RSRC1: variants seen among roughly 807,000 people sequenced by gnomAD.
RSRC1 encodes serine/Arginine-related protein 53.
A neutral mutation model predicts 49.1 loss-of-function variants in RSRC1; 39 were observed. That is an observed-to-expected ratio of 0.79 (90% CI 0.61 to 1.04). RSRC1 has a LOEUF of 1.04. RSRC1 is among the 50% of genes least tolerant of loss of function. RSRC1 has a pLI of 0.00. For synonymous variants in RSRC1, 143 were observed against 130.8 expected (o/e 1.09, Z -0.63); for missense variants, 388 against 402.4 (o/e 0.96, Z 0.31).
chr3:158,405,802 A>G (rs1006338498), intron 6 of RSRC1, among the ~76,000 whole-genome samples: 1 of 152,112 alleles, frequency 6.6e-6, no homozygotes, highest in Non-Finnish European at 1.5e-5. Flanking sequence ...GGCTGTTAGC[A>G]TTTGCTAGAT....
chr3:158,174,695 G>T (rs553043923), intron 3 of RSRC1, among the ~76,000 whole-genome samples: 1 of 151,948 alleles, frequency 6.6e-6, no homozygotes, highest in Non-Finnish European at 1.5e-5. Flanking sequence ...GTTGTTTCAT[G>T]TAGCTCTCAT....
At chr3:158,247,070 C>T (rs1469521908) in intron 4 of RSRC1, among the ~76,000 whole-genome samples, 1 of 151,980 alleles carries the variant, frequency 6.6e-6, no homozygotes, top group African/African-American at 2.4e-5. Context: ...GAGGATTGTT[C>T]ATTCCTTTTC....
intron 6 of RSRC1, among the ~76,000 whole-genome samples, chr3:158,420,872 T>G (rs1199309888): frequency 6.6e-6 from 1 of 151,932 alleles, no homozygotes; most frequent in Non-Finnish European, 1.5e-5. Flanking sequence ...CAAGGGTGCC[T>G]GCCCTCATGG....
intron 7 of RSRC1, among the ~76,000 whole-genome samples, chr3:158,510,617 A>G (rs776081226): frequency 6.6e-6 from 1 of 152,136 alleles, no homozygotes; most frequent in Non-Finnish European, 1.5e-5. Flanking sequence ...AAAATGGGGT[A>G]CTCATCCCCT....
chr3:158,491,491 T>C (rs957903876), intron 7 of RSRC1, among the ~76,000 whole-genome samples: 1 of 152,182 alleles, frequency 6.6e-6, no homozygotes, highest in Non-Finnish European at 1.5e-5. Context: ...TTGCCTGAGT[T>C]AGGTATGGCT....
chr3:158,424,859 A>G (rs564327237), intron 6 of RSRC1, among the ~76,000 whole-genome samples: 1 of 151,998 alleles, frequency 6.6e-6, no homozygotes, highest in Admixed American at 6.6e-5. Flanking sequence ...TTTCTAGTTT[A>G]TTTGCGTAGA....
intron 6 of RSRC1, among the ~76,000 whole-genome samples, chr3:158,436,487 C>T (rs1209752409): frequency 6.6e-6 from 1 of 151,958 alleles, no homozygotes; most frequent in Admixed American, 6.6e-5. Flanking sequence ...CATGTGCCCA[C>T]ACGTGCATGC....
chr3:158,341,834 G>A (rs2108215796), intron 5 of RSRC1, among the ~76,000 whole-genome samples: 1 of 152,210 alleles, frequency 6.6e-6, no homozygotes, highest in East Asian at 1.9e-4. Context: ...GCTGTACCAG[G>A]CAAAGTCACG....
At chr3:158,477,798 T>TTTTTTATATATATATATATA (rs1485762587) in intron 7 of RSRC1, among the ~76,000 whole-genome samples, 2 of 89,770 alleles carry the variant, frequency 2.2e-5, no homozygotes, top group African/African-American at 4.6e-5. Flanking sequence ...CGGGAGGGAT[T>TTTTTTATATATATATATATA]TATATATATA....
At chr3:158,331,580 T>C (rs1049531102) in intron 5 of RSRC1, among the ~76,000 whole-genome samples, 4 of 152,056 alleles carry the variant, frequency 2.6e-5, no homozygotes, top group Non-Finnish European at 5.9e-5. Flanking sequence ...AGCCTAAAAA[T>C]TCAGCCCTTC....
chr3:158,461,157 G>T, intron 7 of RSRC1, 154 bp downstream of exon 7: 1 of 458,782 alleles, frequency 2.2e-6, no homozygotes, highest in Non-Finnish European at 3.9e-6. Context: ...CATTGTCTTG[G>T]ACACTAATGT....
At chr3:158,441,466 G>A (rs567214048) in intron 6 of RSRC1, among the ~76,000 whole-genome samples, 51 of 150,760 alleles carry the variant, frequency 3.4e-4, no homozygotes, top group African/African-American at 1.2e-3. Flanking sequence ...TTTTATTTTT[G>A]GAGCAAGAAT....
At chr3:158,411,646 A>G (rs1452728475) in intron 6 of RSRC1, among the ~76,000 whole-genome samples, 1 of 151,928 alleles carries the variant, frequency 6.6e-6, no homozygotes, top group Admixed American at 6.6e-5. Flanking sequence ...GCCTCCAGAG[A>G]CACTGGGATT....
At chr3:158,528,353 T>C (rs1712172214) in intron 7 of RSRC1, among the ~76,000 whole-genome samples, 1 of 151,982 alleles carries the variant, frequency 6.6e-6, no homozygotes, top group Non-Finnish European at 1.5e-5. Flanking sequence ...GCTAGTGGCT[T>C]GATTAATGGC....
chr3:158,227,927 CT>C (rs1043300242), intron 4 of RSRC1, among the ~76,000 whole-genome samples: 1 of 151,976 alleles, frequency 6.6e-6, no homozygotes, highest in Non-Finnish European at 1.5e-5. Flanking sequence ...AGTTTGTCAC[CT>C]CCTGGTCTAG....
intron 7 of RSRC1, among the ~76,000 whole-genome samples, chr3:158,528,224 T>C (rs371238501): frequency 2.6e-5 from 4 of 151,912 alleles, no homozygotes; most frequent in South Asian, 2.1e-4. Flanking sequence ...GAGCAGTAAT[T>C]TATGAGCTCA....
At chr3:158,287,988 C>G (rs1194178877) in intron 4 of RSRC1, among the ~76,000 whole-genome samples, 1 of 152,140 alleles carries the variant, frequency 6.6e-6, no homozygotes, top group Non-Finnish European at 1.5e-5. Flanking sequence ...TACTGTTTGG[C>G]CGGGGCATAT....
intron 4 of RSRC1, among the ~76,000 whole-genome samples, chr3:158,229,982 A>T (rs967489191): frequency 1.3e-5 from 2 of 152,210 alleles, no homozygotes; most frequent in East Asian, 3.9e-4. Context: ...AGTTAATGTC[A>T]TATTCCTATT....
At chr3:158,438,655 T>A (rs1443116635) in intron 6 of RSRC1, among the ~76,000 whole-genome samples, 2 of 152,068 alleles carry the variant, frequency 1.3e-5, no homozygotes, top group African/African-American at 4.8e-5. Context: ...TTACACCATA[T>A]ACAAAAATTA....
Sources: allele counts gnomAD v4.1 joint callset (sites outside exome capture counted in the v4.1 genomes callset), GRCh38; gene constraint gnomAD v4.1.1; transcripts MANE v1.5; gene names NCBI Gene and HGNC (gene_info 2026-07-23, HGNC 2026-07-21).